The following AXDND1 variants were observed in gnomAD, a reference collection of about 807,000 sequenced individuals.
AXDND1 encodes axonemal dynein light chain domain containing 1, also known as axonemal dynein light chain domain-containing protein 1.
In AXDND1, 110 loss-of-function variants were observed where a neutral mutation model predicts 137.5. The observed-to-expected ratio is 0.80, with a 90% CI of 0.69 to 0.94. AXDND1 has a LOEUF of 0.94. Among genes scored for constraint, AXDND1 ranks in the 40% least tolerant of loss-of-function variants. AXDND1 has a pLI of 0.00. For synonymous variants in AXDND1, 414 were observed against 399.7 expected (o/e 1.04, Z -0.43); for missense variants, 1,191 against 1,169.8 (o/e 1.02, Z -0.26).
chr1:179,462,721 T>G (rs1662534941), intron 16 of AXDND1, among the ~76,000 whole-genome samples: 1 of 151,790 alleles, frequency 6.6e-6, no homozygotes, highest in Non-Finnish European at 1.5e-5. Context: ...GAACCTGTTA[T>G]TTATTGGTCT....
intron 15 of AXDND1, among the ~76,000 whole-genome samples, chr1:179,439,349 C>T (rs1658653743): frequency 6.6e-6 from 1 of 152,182 alleles, no homozygotes; most frequent in African/African-American, 2.4e-5. Flanking sequence ...AATTGTAAGA[C>T]AGCTATGGCT....
chr1:179,460,767 A>G (rs956070175), intron 16 of AXDND1, among the ~76,000 whole-genome samples: 1 of 152,158 alleles, frequency 6.6e-6, no homozygotes, highest in Non-Finnish European at 1.5e-5. Context: ...ATGGTATCTC[A>G]TTGTGGTTTT....
chr1:179,489,747 T>C (rs1417594040), intron 18 of AXDND1, among the ~76,000 whole-genome samples: 2 of 105,940 alleles, frequency 1.9e-5, no homozygotes, highest in African/African-American at 3.6e-5. Context: ...TTTTCTTTTT[T>C]TTTTTTTTTT....
intron 19 of AXDND1, 92 bp from the exon 20 acceptor site, chr1:179,492,763 T>C: frequency 2.5e-6 from 2 of 807,876 alleles, no homozygotes; most frequent in Non-Finnish European, 3.7e-6. Flanking sequence ...TTTTTAAAAT[T>C]TTAAACACTT....
intron 17 of AXDND1, among the ~76,000 whole-genome samples, chr1:179,480,628 C>T (rs532456805): frequency 2.4e-4 from 37 of 152,276 alleles, no homozygotes; most frequent in Non-Finnish European, 4.7e-4. Context: ...TTTCTTGTTT[C>T]TTATCATGCC....
intron 11 of AXDND1, among the ~76,000 whole-genome samples, chr1:179,401,842 A>G (rs1182349484): frequency 2.6e-5 from 4 of 151,970 alleles, no homozygotes; most frequent in African/African-American, 9.7e-5. Flanking sequence ...AGCCACGTGG[A>G]ACTGTGAGTA....
intron 17 of AXDND1, among the ~76,000 whole-genome samples, chr1:179,474,633 T>A (rs868021016): frequency 7.2e-5 from 11 of 152,110 alleles, no homozygotes; most frequent in Non-Finnish European, 1.5e-4. Context: ...GAGAGATGAT[T>A]TAGGGTATCT....
At chr1:179,425,835 CTTTTTTT>C (rs11300946) in intron 12 of AXDND1, among the ~76,000 whole-genome samples, 1 of 101,108 alleles carries the variant, frequency 9.9e-6, no homozygotes, top group Admixed American at 1.1e-4. Flanking sequence ...TGTGGAAGCT[CTTTTTTT>C]TTTTTTTTTT....
At chr1:179,525,258 C>A in intron 21 of AXDND1, 76 bp from the exon 22 acceptor site, 2 of 1,400,498 alleles carry the variant, frequency 1.4e-6, no homozygotes, top group Non-Finnish European at 1.9e-6. Context: ...AGGATTAGTG[C>A]TCATTAAATA....
At chr1:179,387,269 T>C (rs1301547112) in intron 9 of AXDND1, among the ~76,000 whole-genome samples, 1 of 152,142 alleles carries the variant, frequency 6.6e-6, no homozygotes, top group African/African-American at 2.4e-5. Flanking sequence ...TTTGGGAAGC[T>C]GGGAAGTGCA....
chr1:179,491,937 A>G (rs1468122850), intron 19 of AXDND1, among the ~76,000 whole-genome samples, 200 bp downstream of exon 19: 2 of 152,218 alleles, frequency 1.3e-5, no homozygotes, highest in East Asian at 3.8e-4. Context: ...TGGCACGGGC[A>G]GGATGAGAAG....
intron 12 of AXDND1, among the ~76,000 whole-genome samples, 162 bp from the exon 13 acceptor site, chr1:179,429,356 T>C (rs577448919): frequency 1.3e-5 from 2 of 152,180 alleles, no homozygotes; most frequent in Non-Finnish European, 2.9e-5. Context: ...TTGGTTCCAG[T>C]TCAGTGGAAA....
At chr1:179,477,673 C>A (rs1214760673) in intron 17 of AXDND1, among the ~76,000 whole-genome samples, 1 of 152,146 alleles carries the variant, frequency 6.6e-6, no homozygotes, top group African/African-American at 2.4e-5. Context: ...CAAACCATAT[C>A]ATTTTGCCCC....
chr1:179,429,188 T>G (rs68055089), intron 12 of AXDND1, among the ~76,000 whole-genome samples: 2 of 151,150 alleles, frequency 1.3e-5, no homozygotes, highest in Middle Eastern at 3.2e-3. Flanking sequence ...GAAAAAAAAA[T>G]ATCTAGTTTA....
chr1:179,429,270 T>A (rs1657040119), intron 12 of AXDND1, among the ~76,000 whole-genome samples: 1 of 152,134 alleles, frequency 6.6e-6, no homozygotes, highest in African/African-American at 2.4e-5. Context: ...AAAGGGGCCT[T>A]GAGATAACAT....
chr1:179,502,562 TAAAAAAAAAAAAAA>T (rs35740934), intron 20 of AXDND1, among the ~76,000 whole-genome samples: 3 of 81,084 alleles, frequency 3.7e-5, no homozygotes, highest in African/African-American at 4.8e-5. Flanking sequence ...AAACTCTGTC[TAAAAAAAAAAAAAA>T]AAAAAAAAAG....
chr1:179,451,677 T>C (rs994273128), intron 16 of AXDND1: 1 of 152,272 alleles, frequency 6.6e-6, no homozygotes, highest in African/African-American at 2.4e-5. Context: ...GTTCTCATGA[T>C]AGTGAATAAG....
chr1:179,458,426 T>G (rs1282589734), intron 16 of AXDND1, among the ~76,000 whole-genome samples: 1 of 152,160 alleles, frequency 6.6e-6, no homozygotes, highest in Non-Finnish European at 1.5e-5. Flanking sequence ...AAAACCATAA[T>G]GTCAAAACAC....
chr1:179,441,185 G>A (rs1386060105), intron 15 of AXDND1, among the ~76,000 whole-genome samples: 2 of 152,196 alleles, frequency 1.3e-5, no homozygotes, highest in Non-Finnish European at 2.9e-5. Flanking sequence ...ATTTTGAGCA[G>A]CACTGATTGG....
Sources: allele counts gnomAD v4.1 joint callset (sites outside exome capture counted in the v4.1 genomes callset), GRCh38; gene constraint gnomAD v4.1.1; transcripts MANE v1.5; gene names NCBI Gene and HGNC (gene_info 2026-07-23, HGNC 2026-07-21).